Variants in KCNIP4 observed in about 807,000 individuals in gnomAD.
The protein encoded by KCNIP4 is potassium voltage-gated channel interacting protein 4, also known as Kv channel-interacting protein 4.
A neutral mutation model predicts 34.0 loss-of-function variants in KCNIP4; 12 were observed. That is an observed-to-expected ratio of 0.35 (90% CI 0.23 to 0.57). The LOEUF is 0.57. Among genes scored for constraint, KCNIP4 ranks in the 20% least tolerant of loss-of-function variants. KCNIP4 has a pLI of 0.83. For synonymous variants in KCNIP4, 124 were observed against 102.2 expected (o/e 1.21, Z -1.29); for missense variants, 238 against 311.7 (o/e 0.76, Z 1.78).
intron 1 of KCNIP4, among the ~76,000 whole-genome samples, chr4:21,549,564 G>T (rs1738396963): frequency 6.6e-6 from 1 of 151,950 alleles, no homozygotes; most frequent in Non-Finnish European, 1.5e-5. Flanking sequence ...GCAGATGCTG[G>T]TACCATGTCT....
At chr4:21,314,460 G>A (rs1364097614) in intron 1 of KCNIP4, among the ~76,000 whole-genome samples, 2 of 152,182 alleles carry the variant, frequency 1.3e-5, no homozygotes, top group African/African-American at 4.8e-5. Context: ...GTGTGCAATC[G>A]TGAGGACTAT....
chr4:21,544,419 T>G (rs1240765307), intron 1 of KCNIP4: 2 of 152,218 alleles, frequency 1.3e-5, no homozygotes, highest in Non-Finnish European at 2.9e-5. Flanking sequence ...CTGGACACAC[T>G]TGACTGGGTT....
chr4:21,351,479 A>G (rs1717994854), intron 1 of KCNIP4, among the ~76,000 whole-genome samples: 1 of 152,180 alleles, frequency 6.6e-6, no homozygotes, highest in Admixed American at 6.6e-5. Flanking sequence ...CTCCCTAGAC[A>G]TGCAGAACCA....
At chr4:21,926,072 T>C (rs1729229614) in intron 1 of KCNIP4, among the ~76,000 whole-genome samples, 1 of 152,228 alleles carries the variant, frequency 6.6e-6, no homozygotes, top group Non-Finnish European at 1.5e-5. Flanking sequence ...AAAAGATTTA[T>C]ACAATTTAGC....
chr4:20,989,815 A>C (rs938379341), intron 1 of KCNIP4, among the ~76,000 whole-genome samples: 1 of 152,144 alleles, frequency 6.6e-6, no homozygotes, highest in Admixed American at 6.5e-5. Context: ...CAAAAATTGC[A>C]AAAGTTAGCT....
In KCNIP4 at chr4:21,836,422, G is replaced by A. The variant is rs114747229; in HGVS notation, c.61+112149C>T. On this transcript the variant is annotated intron_variant, in intron 1 of 8. Coordinates refer to ENST00000382152, the MANE Select transcript of KCNIP4 (RefSeq NM_025221.6). ...TAGCCCGCTGGGAAAACCCAGGTGC[G>A]CAGTGATGCCAAGAGATGTCCTATT... Among the ~76,000 whole-genome samples, 626 of 152,182 alleles carry A rather than the reference G, an allele frequency of 4.1e-3. 4 individuals are homozygous for A. Among genetic ancestry groups the A allele is most frequent in the African/African-American group, 0.014 (582 of 41,514 alleles).
chr4:21,946,806 G>T (rs1730535806), intron 1 of KCNIP4, among the ~76,000 whole-genome samples: 1 of 152,090 alleles, frequency 6.6e-6, no homozygotes, highest in African/African-American at 2.4e-5. Flanking sequence ...ACATATTTCT[G>T]TTCTCTAAAT....
At chr4:21,096,558 T>A (rs1433495) in intron 1 of KCNIP4, among the ~76,000 whole-genome samples, 67,725 of 151,918 alleles carry the variant, frequency 0.45, 16,012 homozygotes, top group African/African-American at 0.62. Flanking sequence ...AAAAATATTA[T>A]TTTTTATTAT....
At chr4:20,769,868 T>C (rs1755723698) in intron 3 of KCNIP4, among the ~76,000 whole-genome samples, 1 of 152,214 alleles carries the variant, frequency 6.6e-6, no homozygotes, top group African/African-American at 2.4e-5. Context: ...AGCAAAGGCC[T>C]GTTGAGTCCT....
intron 1 of KCNIP4, among the ~76,000 whole-genome samples, chr4:21,371,804 T>A (rs1292148676): frequency 6.8e-6 from 1 of 147,148 alleles, no homozygotes; most frequent in Non-Finnish European, 1.5e-5. Context: ...AATATTCAAA[T>A]TCATCATTTT....
chr4:21,003,308 A>C (rs1458607038), intron 1 of KCNIP4, among the ~76,000 whole-genome samples: 1 of 152,214 alleles, frequency 6.6e-6, no homozygotes, highest in Non-Finnish European at 1.5e-5. Flanking sequence ...GAAGAAAACA[A>C]AACAAAACAA....
intron 1 of KCNIP4, among the ~76,000 whole-genome samples, chr4:21,828,797 T>G (rs924988723): frequency 2.6e-5 from 4 of 151,952 alleles, no homozygotes; most frequent in Admixed American, 6.6e-5. Context: ...TCAATAAAAT[T>G]TCTGACAAAT....
At chr4:21,153,350 G>A (rs1259158565) in intron 1 of KCNIP4, among the ~76,000 whole-genome samples, 1 of 151,816 alleles carries the variant, frequency 6.6e-6, no homozygotes, top group Non-Finnish European at 1.5e-5. Context: ...TGTATTTTCA[G>A]TGTTATTTTA....
At chr4:20,933,104 G>T (rs1228314772) in intron 1 of KCNIP4, among the ~76,000 whole-genome samples, 1 of 151,986 alleles carries the variant, frequency 6.6e-6, no homozygotes, top group Non-Finnish European at 1.5e-5. Flanking sequence ...AATTAGCAAG[G>T]CATGATGGCA....
intron 1 of KCNIP4, among the ~76,000 whole-genome samples, chr4:21,038,637 T>G (rs1246886667): frequency 6.6e-6 from 1 of 152,216 alleles, no homozygotes; most frequent in Non-Finnish European, 1.5e-5. Flanking sequence ...AGCAAGCATT[T>G]GGAGGAATGA....
intron 1 of KCNIP4, among the ~76,000 whole-genome samples, chr4:21,157,253 T>A (rs1753205148): frequency 6.6e-6 from 1 of 152,190 alleles, no homozygotes; most frequent in South Asian, 2.1e-4. Context: ...TTTAAATGTC[T>A]ACTATAATGC....
At chr4:21,379,788 C>A (rs535850306) in intron 1 of KCNIP4, among the ~76,000 whole-genome samples, 5 of 152,122 alleles carry the variant, frequency 3.3e-5, no homozygotes, top group Non-Finnish European at 5.9e-5. Context: ...TCATGCTTGG[C>A]CTTCCTGTAT....
intron 1 of KCNIP4, among the ~76,000 whole-genome samples, chr4:20,927,047 C>T (rs989212022): frequency 7.9e-5 from 12 of 151,648 alleles, no homozygotes; most frequent in Admixed American, 3.3e-4. Context: ...GGTGTGATCT[C>T]GGCTCACTGC....
At chr4:21,942,399 G>A (rs1730251837) in intron 1 of KCNIP4, among the ~76,000 whole-genome samples, 1 of 152,190 alleles carries the variant, frequency 6.6e-6, no homozygotes, top group African/African-American at 2.4e-5. Flanking sequence ...AAGGGAGTAA[G>A]AATGAGGGAA....
Sources: allele counts gnomAD v4.1 joint callset (sites outside exome capture counted in the v4.1 genomes callset), GRCh38; gene constraint gnomAD v4.1.1; transcripts MANE v1.5; gene names NCBI Gene and HGNC (gene_info 2026-07-23, HGNC 2026-07-21).